The following IQCB1 variants were observed in gnomAD, a reference collection of about 807,000 sequenced individuals.
The protein encoded by IQCB1 is IQ motif containing B1.
A neutral mutation model predicts 84.4 loss-of-function variants in IQCB1; 56 were observed. That is an observed-to-expected ratio of 0.66 (90% CI 0.54 to 0.83). The LOEUF (loss-of-function observed/expected upper bound fraction) is 0.83. Ranked by LOEUF, IQCB1 falls within the 40% of genes least tolerant of loss-of-function variation. IQCB1 has a pLI of 0.00. For missense variants in IQCB1, 629 were observed against 682.1 expected, an observed-to-expected ratio of 0.92 and a Z score of 0.87; for synonymous variants, 210 against 234.8, an observed-to-expected ratio of 0.89 and a Z score of 0.96.
intron 7 of IQCB1, 128 bp downstream of exon 7, chr3:121,807,216 A>C: frequency 3.1e-6 from 2 of 649,842 alleles, no homozygotes; most frequent in African/African-American, 1.8e-5. Flanking sequence ...ATATACGAGT[A>C]TATAGTGCAT....
intron 12 of IQCB1, among the ~76,000 whole-genome samples, chr3:121,784,835 C>G (rs1311852483): frequency 6.6e-6 from 1 of 152,012 alleles, no homozygotes; most frequent in Admixed American, 6.5e-5. Flanking sequence ...GTATGTGCCA[C>G]CAAGCCCAGC....
At chr3:121,800,637 C>T (rs947532192) in intron 7 of IQCB1, among the ~76,000 whole-genome samples, 4 of 151,884 alleles carry the variant, frequency 2.6e-5, no homozygotes, top group African/African-American at 9.7e-5. Flanking sequence ...TCTCAGAAAG[C>T]CTTCTACAGA....
At chr3:121,780,864 ATGTG>A (rs67059736) in intron 13 of IQCB1, among the ~76,000 whole-genome samples, 3 of 147,570 alleles carry the variant, frequency 2.0e-5, no homozygotes, top group Non-Finnish European at 3.0e-5. Flanking sequence ...GTGTGTGTGT[ATGTG>A]TGTGTGTGTG....
chr3:121,817,164 A>C (rs531809441), intron 5 of IQCB1, among the ~76,000 whole-genome samples: 1 of 149,802 alleles, frequency 6.7e-6, no homozygotes, highest in Admixed American at 6.6e-5. Flanking sequence ...AGGAACAGAA[A>C]ACCAAACACT....
chr3:121,771,323 T>C (rs545935573), intron 14 of IQCB1, among the ~76,000 whole-genome samples: 1 of 152,100 alleles, frequency 6.6e-6, no homozygotes, highest in East Asian at 1.9e-4. Context: ...TAAGATGGCT[T>C]ATTTATTTAT....
chr3:121,826,147 A>G lies in IQCB1; in HGVS notation c.297T>C (p.Asp99=), dbSNP rs750997834. The change falls in exon 5 of 15, where the codon GAT becomes GAC. Residue 99 remains aspartate, a synonymous_variant. Transcript: ENST00000310864. ...GTAATTCATTGTAAAATTCCTCTGC[A>G]TCTTCTCCTGGCTCCAAGCCCACAC... ...HCCVGLEPGE[D]AEEFYNELLP... The G allele has an allele frequency of 6.2e-7, 1 of 1,613,818 alleles. No individual in the cohort carries two copies. Among genetic ancestry groups the G allele is most frequent in the South Asian group, 1.1e-5 (1 of 91,074 alleles).
intron 5 of IQCB1, among the ~76,000 whole-genome samples, chr3:121,822,290 C>T (rs1576610478): frequency 6.6e-6 from 1 of 152,140 alleles, no homozygotes; most frequent in African/African-American, 2.4e-5. Context: ...CATATATCTT[C>T]TATTGGTTCT....
chr3:121,779,189 G>A (rs1948373563), intron 13 of IQCB1, among the ~76,000 whole-genome samples: 1 of 151,880 alleles, frequency 6.6e-6, no homozygotes, highest in South Asian at 2.1e-4. Context: ...AACTGGTTTG[G>A]GTATGGGCTT....
At chr3:121,819,018 C>G (rs757339045) in intron 5 of IQCB1, among the ~76,000 whole-genome samples, 1 of 151,814 alleles carries the variant, frequency 6.6e-6, no homozygotes, top group Non-Finnish European at 1.5e-5. Context: ...CTTTTTTGCA[C>G]CAGGGACCGG....
chr3:121,784,559 A>G (rs1377447121), intron 12 of IQCB1, among the ~76,000 whole-genome samples: 1 of 152,138 alleles, frequency 6.6e-6, no homozygotes, highest in Admixed American at 6.5e-5. Context: ...TATTCTATCA[A>G]ATAGTTTTAT....
chr3:121,789,054 T>C (rs1442739167), intron 11 of IQCB1, among the ~76,000 whole-genome samples: 1 of 152,154 alleles, frequency 6.6e-6, no homozygotes, highest in Non-Finnish European at 1.5e-5. Context: ...GAGTAAGTTG[T>C]TGGTGCCATT....
intron 5 of IQCB1, among the ~76,000 whole-genome samples, chr3:121,823,311 A>C (rs1489323579): frequency 6.6e-6 from 1 of 152,206 alleles, no homozygotes; most frequent in Non-Finnish European, 1.5e-5. Context: ...AAATTTTCTT[A>C]ATATGAATAC....
chr3:121,799,297 G>A lies in IQCB1; in HGVS notation c.665C>T (p.Pro222Leu). ...DEVIFKLFST[P>L]SPVIRSTATK... Reference sequence around the variant, plus strand: ...AGCAGTACTTCTTATAACTGGACTAGGAGTTGAAAAAAGCTTGAAAATAAC... The same window carrying A: ...AGCAGTACTTCTTATAACTGGACTAAGAGTTGAAAAAAGCTTGAAAATAAC... The change falls in exon 8 of 15, where the codon CCT (proline) becomes CTT (leucine). Residue 222 changes from proline to leucine, a missense_variant. Physicochemically the swap from Pro to Leu is moderately conservative, Grantham distance 98. Transcript: ENST00000310864. 2.5e-6 allele frequency: 4 copies of A among 1,606,388 alleles called. No homozygotes were observed. Among genetic ancestry groups the A allele is most frequent in the Non-Finnish European group, 2.6e-6 (3 of 1,174,292 alleles).
intron 1 of IQCB1, among the ~76,000 whole-genome samples, 166 bp downstream of exon 1, chr3:121,834,800 T>C (rs1348794457): frequency 6.6e-6 from 1 of 152,100 alleles, no homozygotes; most frequent in Admixed American, 6.5e-5. Flanking sequence ...TCCCCAGGCC[T>C]CAGTTTCCAC....
chr3:121,828,424 A>C, intron 4 of IQCB1, 46 bp downstream of exon 4: 2 of 1,515,700 alleles, frequency 1.3e-6, no homozygotes, highest in South Asian at 2.2e-5. Context: ...AATCAGAATC[A>C]ACTACTACAT....
chr3:121,830,606 T>C lies in IQCB1; in HGVS notation c.-12-1634A>G, dbSNP rs1950605505. Among the ~76,000 whole-genome samples the C allele has an allele frequency of 3.3e-5, 5 of 152,194 alleles. No homozygotes were observed. In the South Asian group the frequency reaches 1.0e-3, roughly 31 times the overall value. On this transcript the variant is annotated intron_variant, in intron 2 of 14. Coordinates refer to ENST00000310864, the MANE Select transcript of IQCB1 (RefSeq NM_001023570.4). ...GTGTGATCATTTCCATACATACATATATACATATACATATATATGTTTTTG... is the reference window on the plus strand; with the variant it reads ...GTGTGATCATTTCCATACATACATACATACATATACATATATATGTTTTTG...
In IQCB1 at chr3:121,788,275, T is replaced by G. The variant is rs774535665; in HGVS notation, c.1278+9A>C. ...TGATTCAGAGCTCTTTTCACTACAT[T>G]AGACTCACTGCTCTTTGAAGTGTGA... On this transcript the variant is annotated intron_variant, in intron 12 of 14. Transcript: ENST00000310864. 6.2e-7 allele frequency: 1 copy of G among 1,613,408 alleles called. No individual in the cohort carries two copies. The highest frequency in any genetic ancestry group is 1.3e-5 in the African/African-American group (1 of 74,910).
chr3:121,782,927 G>C (rs796188632), intron 12 of IQCB1, among the ~76,000 whole-genome samples: 1 of 152,054 alleles, frequency 6.6e-6, no homozygotes, highest in Non-Finnish European at 1.5e-5. Flanking sequence ...TGCCCGCCTC[G>C]GCCTCCCAAA....
chr3:121,783,249 A>G (rs1182999288), intron 12 of IQCB1, among the ~76,000 whole-genome samples: 1 of 152,146 alleles, frequency 6.6e-6, no homozygotes, highest in Admixed American at 6.5e-5. Flanking sequence ...CAAGGGCAAC[A>G]ATTTAATTCA....
Sources: gnomAD v4.1 joint callset for allele counts (sites outside exome capture counted in the v4.1 genomes callset) on GRCh38, gnomAD v4.1.1 for gene constraint, MANE v1.5 for transcripts, NCBI Gene and HGNC (gene_info 2026-07-23, HGNC 2026-07-21) for gene names.